Variants in DLC1 observed in about 807,000 individuals in gnomAD.
DLC1 encodes DLC1 Rho GTPase activating protein.
In DLC1, 54 loss-of-function variants were observed where a neutral mutation model predicts 140.3. That is an observed-to-expected ratio of 0.38 (90% CI 0.31 to 0.48). The LOEUF (loss-of-function observed/expected upper bound fraction) is 0.48, where lower values mean the gene tolerates loss of function less well. Ranked by LOEUF, DLC1 falls within the 20% of genes least tolerant of loss-of-function variation. The pLI is 0.96. For synonymous variants in DLC1, 986 were observed against 728.1 expected (o/e 1.35, Z -5.70); for missense variants, 2,536 against 1,907.0 (o/e 1.33, Z -6.14).
rs1817457732 is a variant in DLC1, at chr8:13,085,229, T to G, written c.*582A>C. 6.6e-6 allele frequency: 1 copy of G among 152,626 alleles called. No individual in the cohort carries two copies. Among genetic ancestry groups the G allele is most frequent in the South Asian group, 2.1e-4 (1 of 4,828 alleles). The allele number at this position is 152,626 out of a possible 1,614,324, so 9.5% of individuals were successfully genotyped here. On this transcript the variant is annotated 3_prime_UTR_variant, in exon 18 of 18. Coordinates refer to ENST00000276297, the MANE Select transcript of DLC1 (RefSeq NM_182643.3). Reference sequence around the variant, plus strand: ...CCTTTCTGGGTGGATTCAGGGGTAGTCAGATATTCCAGGTTAAACTGAACC... The same window carrying G: ...CCTTTCTGGGTGGATTCAGGGGTAGGCAGATATTCCAGGTTAAACTGAACC...
chr8:13,169,145 T>C (rs1409458490), intron 5 of DLC1, among the ~76,000 whole-genome samples: 2 of 152,232 alleles, frequency 1.3e-5, no homozygotes, highest in Admixed American at 6.5e-5. Flanking sequence ...TACTACTATG[T>C]AGCTCAAGGT....
chr8:13,306,989 C>G (rs988236790), intron 4 of DLC1, among the ~76,000 whole-genome samples: 2 of 143,202 alleles, frequency 1.4e-5, no homozygotes, highest in African/African-American at 5.2e-5. Flanking sequence ...GAGGCTGAGG[C>G]AGGAGAACCT....
intron 5 of DLC1, among the ~76,000 whole-genome samples, chr8:13,192,756 TAAG>T (rs1239059149): frequency 1.3e-5 from 2 of 152,130 alleles, no homozygotes; most frequent in African/African-American, 2.4e-5. Flanking sequence ...ACTGGTCTCA[TAAG>T]AAGAGGAAGA....
chr8:13,284,715 C>T (rs1831482474), intron 5 of DLC1, among the ~76,000 whole-genome samples: 1 of 151,762 alleles, frequency 6.6e-6, no homozygotes, highest in African/African-American at 2.4e-5. Context: ...GATTAATATA[C>T]AAAATCAATT....
intron 5 of DLC1, among the ~76,000 whole-genome samples, chr8:13,270,552 G>A (rs1830889235): frequency 6.6e-6 from 1 of 152,254 alleles, no homozygotes; most frequent in Non-Finnish European, 1.5e-5. Context: ...CGTATATCTA[G>A]CTTGACAAGC....
chr8:13,424,838 G>A (rs1318538035), intron 2 of DLC1, among the ~76,000 whole-genome samples: 2 of 152,090 alleles, frequency 1.3e-5, no homozygotes, highest in African/African-American at 2.4e-5. Flanking sequence ...CTCCCAAAGT[G>A]CTGGGATTAC....
At chr8:13,333,281 A>G in intron 4 of DLC1, among the ~76,000 whole-genome samples, 1 of 152,184 alleles carries the variant, frequency 6.6e-6, no homozygotes, top group East Asian at 1.9e-4. Context: ...GCTGGAGTGC[A>G]GTGGCACAAT....
At chr8:13,554,589 C>G (rs919482794) in intron 1 of DLC1, among the ~76,000 whole-genome samples, 15 of 152,150 alleles carry the variant, frequency 9.9e-5, no homozygotes, top group African/African-American at 3.6e-4. Flanking sequence ...AGTTTCTCAT[C>G]CTTAACTTTT....
intron 4 of DLC1, among the ~76,000 whole-genome samples, chr8:13,332,098 G>T (rs760908792): frequency 6.6e-6 from 1 of 152,140 alleles, no homozygotes; most frequent in Non-Finnish European, 1.5e-5. Flanking sequence ...GTAAAACCTT[G>T]ATTGGACATG....
At chr8:13,359,921 T>G (rs1835146788) in intron 4 of DLC1, among the ~76,000 whole-genome samples, 1 of 152,174 alleles carries the variant, frequency 6.6e-6, no homozygotes, top group Admixed American at 6.5e-5. Context: ...GCAGATGCAT[T>G]TACACTTGAC....
intron 5 of DLC1, among the ~76,000 whole-genome samples, chr8:13,253,764 G>A (rs1830104048): frequency 6.6e-6 from 1 of 152,178 alleles, no homozygotes; most frequent in Admixed American, 6.5e-5. Flanking sequence ...CAGTTAGTCT[G>A]AGTCAATGCC....
chr8:13,401,605 A>G lies in DLC1; in HGVS notation c.1038T>C (p.Asp346=). 6.2e-7 allele frequency: 1 copy of G among 1,613,298 alleles called. No homozygotes were observed. The highest frequency in any genetic ancestry group is 8.5e-7 in the Non-Finnish European group (1 of 1,179,740). ...RLRKRKEIRE[D]RDRARLDSMV... ...TGGAGTCCAGCCGCGCCCTATCTCGATCTTCTCTTATTTCCTGAGGAACAG... is the reference window on the plus strand; with the variant it reads ...TGGAGTCCAGCCGCGCCCTATCTCGGTCTTCTCTTATTTCCTGAGGAACAG... The change falls in exon 3 of 18, where the codon GAT becomes GAC. Residue 346 remains aspartate, a synonymous_variant. Transcript: ENST00000276297.
intron 1 of DLC1, among the ~76,000 whole-genome samples, chr8:13,587,007 A>G (rs1272024393): frequency 1.1e-4 from 16 of 151,698 alleles, no homozygotes; most frequent in Admixed American, 1.1e-3. Context: ...ATACATGTCT[A>G]GTAGAGAGTT....
rs145050958 is a variant in DLC1 at position 13,151,830 on chromosome 8, A to G, written c.1349-36173T>C. ...TTCCATACTATATTACACCTTTAAA[A>G]TTTTATACCATTTACATTTATTGTC... On this transcript the variant is annotated intron_variant, in intron 5 of 17. Coordinates refer to ENST00000276297, the MANE Select transcript of DLC1 (RefSeq NM_182643.3). Among the ~76,000 whole-genome samples, 636 of 152,306 alleles carry G rather than the reference A, an allele frequency of 4.2e-3. 5 individuals are homozygous for G. Among genetic ancestry groups the G allele is most frequent in the African/African-American group, 0.015 (606 of 41,556 alleles).
intron 5 of DLC1, among the ~76,000 whole-genome samples, chr8:13,271,833 G>A (rs1353281830): frequency 2.0e-5 from 3 of 152,202 alleles, no homozygotes; most frequent in East Asian, 3.9e-4. Flanking sequence ...TCACCACCAC[G>A]CCTGGCTAAA....
At chr8:13,221,405 C>G (rs1443673539) in intron 5 of DLC1, among the ~76,000 whole-genome samples, 1 of 150,160 alleles carries the variant, frequency 6.7e-6, no homozygotes, top group African/African-American at 2.5e-5. Flanking sequence ...GAGCCTTGCT[C>G]TGTCACCCAG....
intron 2 of DLC1, among the ~76,000 whole-genome samples, chr8:13,481,344 C>G (rs1017975834): frequency 3.3e-5 from 5 of 152,062 alleles, no homozygotes; most frequent in African/African-American, 1.2e-4. Context: ...GGAGAATCAC[C>G]TGAGTCTGGG....
At chr8:13,201,028 C>T (rs1038772912) in intron 5 of DLC1, among the ~76,000 whole-genome samples, 1 of 152,032 alleles carries the variant, frequency 6.6e-6, no homozygotes, top group Admixed American at 6.6e-5. Flanking sequence ...CAGTGGGTTT[C>T]ATGTGGATAG....
intron 1 of DLC1, among the ~76,000 whole-genome samples, chr8:13,560,454 A>G (rs1363358963): frequency 5.0e-5 from 7 of 138,982 alleles, no homozygotes; most frequent in Non-Finnish European, 1.1e-4. Flanking sequence ...TAAAATAAAG[A>G]TACTTCTTAA....
Sources: gnomAD v4.1 joint callset for allele counts (sites outside exome capture counted in the v4.1 genomes callset) on GRCh38, gnomAD v4.1.1 for gene constraint, MANE v1.5 for transcripts, NCBI Gene and HGNC (gene_info 2026-07-23, HGNC 2026-07-21) for gene names.